KCTD10: variants seen among roughly 807,000 people sequenced by gnomAD.
The protein encoded by KCTD10 is potassium channel tetramerization domain containing 10, also known as BTB/POZ domain-containing adapter for CUL3-mediated RhoA degradation protein 3.
A neutral mutation model predicts 34.6 loss-of-function variants in KCTD10; 13 were observed. That is an observed-to-expected ratio of 0.38 (90% CI 0.24 to 0.60). The LOEUF (loss-of-function observed/expected upper bound fraction) is 0.60, where lower values mean the gene tolerates loss of function less well. Ranked by LOEUF, KCTD10 falls within the 20% of genes least tolerant of loss-of-function variation. The pLI, the probability that KCTD10 is intolerant of heterozygous loss-of-function variation, is 0.66. For missense variants in KCTD10, 256 were observed against 420.3 expected, an observed-to-expected ratio of 0.61 and a Z score of 3.42; for synonymous variants, 156 against 168.8, an observed-to-expected ratio of 0.92 and a Z score of 0.59.
Position 109,449,194 on chromosome 12 carries a change from T to TACTC in KCTD10, c.*2397_*2400dup, listed in dbSNP as rs1872634736. The TACTC allele has an allele frequency of 6.6e-6, 1 of 152,250 alleles. No homozygotes were observed. The highest frequency in any genetic ancestry group is 1.5e-5 in the Non-Finnish European group (1 of 68,040). The allele number at this position is 152,250 out of a possible 1,614,324, so 9.4% of individuals were successfully genotyped here. A position where few individuals can be genotyped will look rare whatever the true frequency, so the allele number is the denominator to read the frequency against. On this transcript the variant is annotated 3_prime_UTR_variant, in exon 7 of 7. Coordinates refer to ENST00000228495, the MANE Select transcript of KCTD10 (RefSeq NM_031954.5). Reference sequence around the variant, plus strand: ...ACATAAGAAAAATCAGTTCCTTGTATACTCAATAACAGAGCTTGGACCAGC... The same window carrying TACTC: ...ACATAAGAAAAATCAGTTCCTTGTATACTCACTCAATAACAGAGCTTGGACCAGC...
In KCTD10 at chr12:109,458,069, T is replaced by C; in HGVS notation, c.397A>G (p.Thr133Ala). ...GGGACCTTGCAGAAAGGCTCATAAG[T>C]ATCTTTGTTCTGCTGGAACAAAACA... ...ECQAALQNKD[T>A]YEPFCKVPVI... Residue 133 changes from threonine to alanine, a missense_variant, in exon 4 of 7, where the codon ACT becomes GCT. Thr to Ala is a moderately conservative substitution (Grantham distance 58). This residue lies in a region of KCTD10 where 155 missense variants were observed against 207.0 expected (regional missense o/e 0.75). Transcript: ENST00000228495. 6.2e-7 allele frequency: 1 copy of C among 1,613,952 alleles called. No individual in the cohort carries two copies.
At chr12:109,473,287 C>T (rs776935657) in intron 1 of KCTD10, among the ~76,000 whole-genome samples, 10 of 152,090 alleles carry the variant, frequency 6.6e-5, no homozygotes, top group Non-Finnish European at 1.3e-4. Context: ...TGAAAATAGT[C>T]GCGAGGTAAA....
At chr12:109,471,436 A>C in intron 1 of KCTD10, 1 of 984,206 alleles carries the variant, frequency 1.0e-6, no homozygotes, top group Non-Finnish European at 1.2e-6. Flanking sequence ...CTCAAGAAAC[A>C]GTTCCTTTTT....
At position 109,450,461 on chromosome 12, in the gene KCTD10, G is replaced by A. The variant is rs141898856; in HGVS notation, c.*1134C>T. The A allele has an allele frequency of 1.7e-3, 678 of 398,934 alleles. 6 individuals carry two copies. Among genetic ancestry groups the A allele is most frequent in the African/African-American group, 0.012 (592 of 48,722 alleles). The allele number at this position is 398,934 out of a possible 1,614,324, so 24.7% of individuals were successfully genotyped here. A position where few individuals can be genotyped will look rare whatever the true frequency, so the allele number is the denominator to read the frequency against. On this transcript the variant is annotated 3_prime_UTR_variant, in exon 7 of 7. Coordinates refer to ENST00000228495, the MANE Select transcript of KCTD10 (RefSeq NM_031954.5). ...CAGACCCAAAGTTATCTATCTACCCGCACATCCTCAACCTGTTCACTGCTG... is the reference window on the plus strand; with the variant it reads ...CAGACCCAAAGTTATCTATCTACCCACACATCCTCAACCTGTTCACTGCTG...
At chr12:109,463,369 C>A (rs1873433555) in intron 2 of KCTD10, among the ~76,000 whole-genome samples, 1 of 152,328 alleles carries the variant, frequency 6.6e-6, no homozygotes, top group Non-Finnish European at 1.5e-5. Flanking sequence ...GGGAGCCAGG[C>A]ACACTCTCCA....
In KCTD10 at chr12:109,465,321, T is replaced by C. The variant is rs72648060; in HGVS notation, c.217+4194A>G. Among the ~76,000 whole-genome samples the C allele has an allele frequency of 4.0e-3, 603 of 152,310 alleles. 6 individuals are homozygous for C. The highest frequency in any genetic ancestry group is 0.037 in the Middle Eastern group (11 of 294). On this transcript the variant is annotated intron_variant, in intron 2 of 6. Coordinates refer to ENST00000228495, the MANE Select transcript of KCTD10 (RefSeq NM_031954.5). ...GTAAGCAAAAGCAAAACATACAAAC[T>C]GTACAGCACCATTTACATCACGTTT...
chr12:109,454,759 C>T (rs1016834585), intron 6 of KCTD10, among the ~76,000 whole-genome samples: 21 of 152,120 alleles, frequency 1.4e-4, no homozygotes, highest in African/African-American at 5.1e-4. Flanking sequence ...AGGCCCTTGG[C>T]TTCCCATCCT....
rs1429970469 is a variant in KCTD10 at position 109,469,532 on chromosome 12, A to G, written c.200T>C (p.Val67Ala). 5.6e-6 allele frequency: 9 copies of G among 1,614,130 alleles called. No individual in the cohort carries two copies. Among genetic ancestry groups the G allele is most frequent in the Non-Finnish European group, 7.6e-6 (9 of 1,179,992 alleles). ...GAGCTTACCTTCACTGTCGGTGAGC[A>G]CTTCCATGCGCCCGCTGAACATGGC... ...LKAMFSGRME[V>A]LTDSEGWILI... The change falls in exon 2 of 7, where the codon GTG becomes GCG. Residue 67 changes from valine to alanine, a missense_variant. Val to Ala is a moderately conservative substitution (Grantham distance 64, BLOSUM62 0). This residue lies in a region of KCTD10 where 155 missense variants were observed against 207.0 expected (regional missense o/e 0.75). Coordinates refer to ENST00000228495, the MANE Select transcript of KCTD10 (RefSeq NM_031954.5).
chr12:109,477,278 G>A lies in KCTD10; in HGVS notation c.-16C>T, dbSNP rs759231007. 1.2e-6 allele frequency: 2 copies of A among 1,613,880 alleles called. No individual in the cohort carries two copies. The highest frequency in any genetic ancestry group is 1.7e-5 in the Admixed American group (1 of 59,978). ...TCCCTACCATGAAAAGTCGGAGGAC[G>A]CAGGAGTCTCCAAACCCGGACTGAG... is the stretch of plus-strand genomic sequence containing the variant. On this transcript the variant is annotated 5_prime_UTR_variant, in exon 1 of 7. Transcript: ENST00000228495.
chr12:109,469,782 A>G, intron 1 of KCTD10, 54 bp from the exon 2 acceptor site: 1 of 1,599,490 alleles, frequency 6.3e-7, no homozygotes, highest in Non-Finnish European at 8.5e-7. Context: ...GACTGCTTTC[A>G]GCCTGTGGAT....
At chr12:109,467,584 T>C (rs983674272) in intron 2 of KCTD10, among the ~76,000 whole-genome samples, 1 of 152,122 alleles carries the variant, frequency 6.6e-6, no homozygotes, top group African/African-American at 2.4e-5. Context: ...ATGGCCCTAG[T>C]GCACTTCAGC....
chr12:109,451,775 C>G lies in KCTD10; in HGVS notation c.762G>C (p.Leu254=). The G allele has an allele frequency of 1.2e-6, 2 of 1,614,080 alleles. No homozygotes were observed. The highest frequency in any genetic ancestry group is 1.7e-6 in the Non-Finnish European group (2 of 1,179,966). ...FPEARIYEET[L]NILLYEAQDG... ...CCTGGGCCTCATACAGCAAAATGTT[C>G]AGGGTCTCCTCATAAATCCGGGCTT... The change falls in exon 7 of 7, where the codon CTG becomes CTC. Residue 254 remains leucine (L), a synonymous_variant. Transcript: ENST00000228495. This position sits in a 1 kb window ranked among gnomAD's most constrained non-coding sequence, Gnocchi z 5.0.
At position 109,448,825 on chromosome 12, in the gene KCTD10, G is replaced by A. The variant is rs928149574; in HGVS notation, c.*2770C>T. ...CCCTAAAGACAGCACACGCTCCAGA[G>A]GGCGGGCTGAGTGTTGTTCACACTT... On this transcript the variant is annotated 3_prime_UTR_variant, in exon 7 of 7. Coordinates refer to ENST00000228495, the MANE Select transcript of KCTD10 (RefSeq NM_031954.5). The A allele has an allele frequency of 1.3e-5, 2 of 152,240 alleles. No homozygotes were observed. Among genetic ancestry groups the A allele is most frequent in the Non-Finnish European group, 2.9e-5 (2 of 68,058 alleles). 9.4% of individuals were successfully genotyped at this position (152,240 alleles called of 1,614,324 possible).
chr12:109,455,834 T>G (rs998912273), intron 6 of KCTD10, among the ~76,000 whole-genome samples: 43 of 152,130 alleles, frequency 2.8e-4, no homozygotes, highest in Non-Finnish European at 7.4e-5. Flanking sequence ...GCCTACTGGT[T>G]TGGAGAGGAT....
chr12:109,470,750 CAT>C, intron 1 of KCTD10: 1 of 250,298 alleles, frequency 4.0e-6, no homozygotes, highest in South Asian at 1.5e-4. Flanking sequence ...CAGACAAAAA[CAT>C]AAACATTATC....
At position 109,451,663 on chromosome 12, in the gene KCTD10, C is replaced by T; in HGVS notation, c.874G>A (p.Glu292Lys). 1 of 1,613,542 alleles carries T rather than the reference C, an allele frequency of 6.2e-7. No homozygotes were observed. Among genetic ancestry groups the T allele is most frequent in the East Asian group, 2.2e-5 (1 of 44,862 alleles). Residue 292 changes from glutamate to lysine, a missense_variant, in exon 7 of 7, where the codon GAG (glutamate) becomes AAG (lysine). By Grantham distance (56) the Glu-to-Lys change is moderately conservative (BLOSUM62 1). This residue lies in a region of KCTD10 where 60 missense variants were observed against 89.0 expected (regional missense o/e 0.67). Transcript: ENST00000228495. The surrounding 1 kb of genome is among the most constrained non-coding windows in gnomAD (Gnocchi z 5.0). ...SHHLDEDEER[E>K]RIERVRRIHI... ...ATCCTCCGCACGCGCTCGATCCGCTCCCGCTCCTCGTCCTCGTCCAGGTGG... is the reference window on the plus strand; with the variant it reads ...ATCCTCCGCACGCGCTCGATCCGCTTCCGCTCCTCGTCCTCGTCCAGGTGG...
chr12:109,469,700 C>A lies in KCTD10; in HGVS notation c.32G>T (p.Ser11Ile). MEEMSGESVV[S>I]SAVPAAATRT... ...GGTAGCAGCCGCTGGCACCGCTGAGCTCACCACACTTTCTCCTGACATCTC... is the reference window on the plus strand; with the variant it reads ...GGTAGCAGCCGCTGGCACCGCTGAGATCACCACACTTTCTCCTGACATCTC... Residue 11 changes from serine (S) to isoleucine (I), a missense_variant, in exon 2 of 7, where the codon AGC becomes ATC. Transcript: ENST00000228495. 6.2e-7 allele frequency: 1 copy of A among 1,614,218 alleles called. No individual in the cohort carries two copies. Among genetic ancestry groups the A allele is most frequent in the Non-Finnish European group, 8.5e-7 (1 of 1,180,044 alleles).
chr12:109,475,541 A>G (rs1475075570), intron 1 of KCTD10, among the ~76,000 whole-genome samples: 1 of 151,616 alleles, frequency 6.6e-6, no homozygotes, highest in African/African-American at 2.4e-5. Context: ...AGATCAATTA[A>G]TCAGTATCTC....
At chr12:109,471,778 CT>C (rs1429923937) in intron 1 of KCTD10, among the ~76,000 whole-genome samples, 2 of 152,148 alleles carry the variant, frequency 1.3e-5, no homozygotes, top group East Asian at 3.8e-4. Context: ...AATGCAAATA[CT>C]TTTTAAGCAC....
Sources: gnomAD v4.1 joint callset for allele counts (sites outside exome capture counted in the v4.1 genomes callset) on GRCh38, gnomAD v4.1.1 for gene constraint, gnomAD v4.1.1 regional missense constraint, Gnocchi (gnomAD v3.1) non-coding constraint, MANE v1.5 for transcripts, NCBI Gene and HGNC (gene_info 2026-07-23, HGNC 2026-07-21) for gene names.